Variants in PTPRG observed in about 807,000 individuals in gnomAD.
The protein encoded by PTPRG is protein tyrosine phosphatase receptor type G.
Under a neutral mutation model 165.3 loss-of-function variants are expected in PTPRG, and 102 were observed. The ratio of observed to expected loss-of-function variants is 0.62; its 90% CI spans 0.53 to 0.73. PTPRG has a LOEUF of 0.73. PTPRG is among the 30% of genes least tolerant of loss of function. The pLI, the probability that PTPRG is intolerant of heterozygous loss-of-function variation, is 0.00. For missense variants in PTPRG, 1,866 were observed against 1,861.4 expected (o/e 1.00, Z -0.05); for synonymous variants, 675 against 669.5 (o/e 1.01, Z -0.13).
intron 4 of PTPRG, among the ~76,000 whole-genome samples, chr3:62,058,295 C>G (rs575125358): frequency 6.6e-6 from 1 of 152,060 alleles, no homozygotes; most frequent in Admixed American, 6.6e-5. Flanking sequence ...TGGGAAGGAA[C>G]CTTGCTAGTG....
chr3:62,177,814 C>T (rs1306581003), intron 8 of PTPRG, among the ~76,000 whole-genome samples: 1 of 152,168 alleles, frequency 6.6e-6, no homozygotes, highest in Non-Finnish European at 1.5e-5. Flanking sequence ...TGCCTTGACC[C>T]AGCCACTTGT....
intron 1 of PTPRG, among the ~76,000 whole-genome samples, chr3:61,625,662 CGAT>C (rs914797255): frequency 8.5e-5 from 13 of 152,186 alleles, no homozygotes; most frequent in African/African-American, 3.1e-4. Context: ...TTGCTGCTCT[CGAT>C]GAATTTACTG....
chr3:61,925,059 G>A (rs1436163590), intron 2 of PTPRG, among the ~76,000 whole-genome samples: 2 of 147,464 alleles, frequency 1.4e-5, no homozygotes, highest in Non-Finnish European at 3.0e-5. Context: ...CTAGCCTCCA[G>A]AACTGTGAGA....
chr3:62,134,220 G>C (rs1703624554), intron 6 of PTPRG, among the ~76,000 whole-genome samples: 1 of 152,082 alleles, frequency 6.6e-6, no homozygotes, highest in African/African-American at 2.4e-5. Context: ...AGATGCCCGG[G>C]GTGTGGTTTC....
At chr3:61,804,817 G>C (rs1187191118) in intron 2 of PTPRG, among the ~76,000 whole-genome samples, 1 of 152,304 alleles carries the variant, frequency 6.6e-6, no homozygotes, top group African/African-American at 2.4e-5. Context: ...ACAGCATCAG[G>C]CATTTGCCAG....
intron 1 of PTPRG, among the ~76,000 whole-genome samples, chr3:61,647,992 C>A (rs918100931): frequency 2.0e-5 from 3 of 152,034 alleles, no homozygotes; most frequent in African/African-American, 7.2e-5. Flanking sequence ...TCCGTGAATC[C>A]TCTGTCCTCT....
chr3:62,283,328 A>C (rs1302668082), intron 28 of PTPRG, among the ~76,000 whole-genome samples: 1 of 152,170 alleles, frequency 6.6e-6, no homozygotes, highest in Non-Finnish European at 1.5e-5. Flanking sequence ...TTTAAAGTTC[A>C]TGATGTGTTT....
In PTPRG at chr3:62,292,562, T is replaced by G. The variant is rs756852668; in HGVS notation, c.4191+6T>G. 1 of 1,612,562 alleles carries G rather than the reference T, an allele frequency of 6.2e-7. No individual in the cohort carries two copies. On this transcript the variant is annotated splice_donor_region_variant and intron_variant, in intron 29 of 29. Transcript: ENST00000474889. Reference sequence around the variant, plus strand: ...CTGGAGTATTCACAGACATTGTAAGTAGTTTGCTTATGTGTAAAACCTGTA... The same window carrying G: ...CTGGAGTATTCACAGACATTGTAAGGAGTTTGCTTATGTGTAAAACCTGTA...
intron 1 of PTPRG, chr3:61,742,637 G>C (rs1186825667): frequency 3.1e-6 from 5 of 1,604,622 alleles, no homozygotes; most frequent in Non-Finnish European, 4.2e-6. Context: ...TTCTTCATTT[G>C]GAACTTGATT....
intron 4 of PTPRG, among the ~76,000 whole-genome samples, chr3:62,033,252 C>G (rs996366617): frequency 2.6e-5 from 4 of 152,182 alleles, no homozygotes; most frequent in African/African-American, 7.2e-5. Context: ...TCTTTCCAGA[C>G]TCTTCTTATT....
intron 4 of PTPRG, among the ~76,000 whole-genome samples, chr3:62,010,737 A>G (rs1158477729): frequency 6.6e-6 from 1 of 152,204 alleles, no homozygotes; most frequent in Non-Finnish European, 1.5e-5. Flanking sequence ...TATGAACTTG[A>G]TGCTATCTTG....
chr3:61,636,542 G>A (rs996726525), intron 1 of PTPRG, among the ~76,000 whole-genome samples: 1 of 152,124 alleles, frequency 6.6e-6, no homozygotes, highest in Non-Finnish European at 1.5e-5. Context: ...GGCTGGTCTC[G>A]AACTCCCGGC....
chr3:61,780,729 G>A (rs544649273), intron 2 of PTPRG, among the ~76,000 whole-genome samples: 1 of 152,228 alleles, frequency 6.6e-6, no homozygotes, highest in East Asian at 1.9e-4. Context: ...AGTTGTATTT[G>A]CATCCATGAT....
rs143363555 is a variant in PTPRG at position 61,724,507 on chromosome 3, C to G, written c.86-24371C>G. The stretch of plus-strand genomic sequence containing the variant: ...TTTTCACTTCCCTGGGATAGTCACC[C>G]CAGAATACAGTTGCTGGGGTGTATG... On this transcript the variant is annotated intron_variant, in intron 1 of 29. Coordinates refer to ENST00000474889, the MANE Select transcript of PTPRG (RefSeq NM_002841.4). Among the ~76,000 whole-genome samples the G allele has an allele frequency of 6.7e-3, 1,013 of 152,064 alleles. 9 individuals are homozygous for G. Among genetic ancestry groups the G allele is most frequent in the Non-Finnish European group, 0.011 (733 of 67,994 alleles).
intron 1 of PTPRG, among the ~76,000 whole-genome samples, chr3:61,680,027 A>G (rs1008562930): frequency 6.6e-6 from 1 of 152,206 alleles, no homozygotes; most frequent in Admixed American, 6.5e-5. Context: ...ATTAGACATT[A>G]AAACTTCCTA....
At chr3:62,191,403 T>C in intron 8 of PTPRG, 66 bp from the exon 9 acceptor site, 2 of 1,505,910 alleles carry the variant, frequency 1.3e-6, no homozygotes, top group South Asian at 1.2e-5. Context: ...CTGCAGTCCT[T>C]AGGGGCACGG....
chr3:62,185,484 G>A (rs1705841815), intron 8 of PTPRG, among the ~76,000 whole-genome samples: 1 of 152,188 alleles, frequency 6.6e-6, no homozygotes, highest in Non-Finnish European at 1.5e-5. Flanking sequence ...GAGTGCTCCT[G>A]GTGTTCATTT....
At chr3:61,981,018 G>A (rs986990514) in intron 2 of PTPRG, among the ~76,000 whole-genome samples, 1 of 152,090 alleles carries the variant, frequency 6.6e-6, no homozygotes, top group African/African-American at 2.4e-5. Context: ...CTTGAGACTG[G>A]GTAATTTATA....
chr3:61,789,896 T>C (rs182172382), intron 2 of PTPRG, among the ~76,000 whole-genome samples: 39 of 152,330 alleles, frequency 2.6e-4, no homozygotes, highest in Non-Finnish European at 4.4e-4. Flanking sequence ...ACAGTAAATT[T>C]TGTGCATGGA....
Sources: gnomAD v4.1 joint callset for allele counts (sites outside exome capture counted in the v4.1 genomes callset) on GRCh38, gnomAD v4.1.1 for gene constraint, MANE v1.5 for transcripts, NCBI Gene and HGNC (gene_info 2026-07-23, HGNC 2026-07-21) for gene names.